SMARCA4: variants seen among roughly 807,000 people sequenced by gnomAD.
SMARCA4 encodes the protein SWI/SNF related BAF chromatin remodeling complex subunit ATPase 4, also known as SWI/SNF-related matrix-associated actin-dependent regulator of chromatin subfamily A member 4.
In SMARCA4, 31 loss-of-function variants were observed where a neutral mutation model predicts 193.9. That is an observed-to-expected ratio of 0.16 (90% CI 0.12 to 0.22). SMARCA4 has a LOEUF of 0.22. SMARCA4 is among the 10% of genes least tolerant of loss of function. The pLI is 1.00. For synonymous variants in SMARCA4, 942 were observed against 933.1 expected, an observed-to-expected ratio of 1.01 and a Z score of -0.17; for missense variants, 1,148 against 2,296.0, an observed-to-expected ratio of 0.50 and a Z score of 10.22.
chr19:10,976,257 G>T (rs2085115532), intron 1 of SMARCA4, among the ~76,000 whole-genome samples: 1 of 152,174 alleles, frequency 6.6e-6, no homozygotes, highest in Non-Finnish European at 1.5e-5. Flanking sequence ...CACCTTTCCT[G>T]GCCGTGCTCG....
In SMARCA4 at chr19:11,041,576, G is replaced by A. The variant is rs2146824512; in HGVS notation, c.4424+16G>A. 2 of 1,609,916 alleles carry A rather than the reference G, an allele frequency of 1.2e-6. No individual in the cohort carries two copies. Among genetic ancestry groups the A allele is most frequent in the Non-Finnish European group, 1.7e-6 (2 of 1,178,956 alleles). ...ACAAGGACAGGTAAGCGAGGAGGCGGGGAGGGCGGGGGCTGTAGGGGTCCC... is the reference window on the plus strand; with the variant it reads ...ACAAGGACAGGTAAGCGAGGAGGCGAGGAGGGCGGGGGCTGTAGGGGTCCC... On this transcript the variant is annotated intron_variant, in intron 30 of 34. Transcript: ENST00000344626. The surrounding 1 kb of genome is among the most constrained non-coding windows in gnomAD (Gnocchi z 5.6).
intron 30 of SMARCA4, among the ~76,000 whole-genome samples, chr19:11,053,217 C>T (rs2076356947): frequency 1.3e-5 from 2 of 152,116 alleles, no homozygotes; most frequent in Admixed American, 1.3e-4. Context: ...GGAACCTAGG[C>T]TCATGCCTAT....
At chr19:10,973,743 G>A (rs1349440833) in intron 1 of SMARCA4, among the ~76,000 whole-genome samples, 4 of 151,966 alleles carry the variant, frequency 2.6e-5, no homozygotes, top group Middle Eastern at 3.4e-3. Context: ...CTAATTTTTT[G>A]TATTTTTAGT....
intron 13 of SMARCA4, among the ~76,000 whole-genome samples, chr19:11,005,618 C>A (rs1269635508): frequency 3.3e-5 from 5 of 152,182 alleles, no homozygotes; most frequent in Admixed American, 3.3e-4. Context: ...CTGATCTCAC[C>A]TCCATTAGCA....
At chr19:11,055,249 G>A (rs982402867) in intron 30 of SMARCA4, among the ~76,000 whole-genome samples, 5 of 152,202 alleles carry the variant, frequency 3.3e-5, no homozygotes, top group African/African-American at 1.2e-4. Context: ...GAATGCAGTG[G>A]TGCGATCTCG....
In SMARCA4 at chr19:11,030,901, C is replaced by T. The variant is rs768145474; in HGVS notation, c.3546+8C>T. The T allele has an allele frequency of 1.4e-5, 23 of 1,608,344 alleles. 1 individual carries two copies. Among genetic ancestry groups the T allele is most frequent in the Middle Eastern group, 3.3e-4 (2 of 6,068 alleles). On this transcript the variant is annotated splice_region_variant and intron_variant, in intron 25 of 34. Transcript: ENST00000344626. This position sits in a 1 kb window ranked among gnomAD's most constrained non-coding sequence, Gnocchi z 5.5. Reference sequence around the variant, plus strand: ...GACTGGAATCCTCACCAGGTAAAAGCGGGCCGGGCCCCAGGTCGAGGAGAA... The same window carrying T: ...GACTGGAATCCTCACCAGGTAAAAGTGGGCCGGGCCCCAGGTCGAGGAGAA...
At position 11,034,276 on chromosome 19, in the gene SMARCA4, T is replaced by G. The variant is rs142819607; in HGVS notation, c.3951+76T>G. 4.3e-4 allele frequency: 491 copies of G among 1,151,550 alleles called. 2 individuals carry two copies. In the African/African-American group the frequency reaches 6.6e-3, roughly 15 times the overall value. 71.3% of individuals were successfully genotyped at this position (1,151,550 alleles called of 1,614,324 possible). A position where few individuals can be genotyped will look rare whatever the true frequency, so the allele number is the denominator to read the frequency against. On this transcript the variant is annotated intron_variant, in intron 28 of 34. Transcript: ENST00000344626. The surrounding 1 kb of genome is among the most constrained non-coding windows in gnomAD (Gnocchi z 7.0). ...ACCAGGAGCAAAGCAGACGTCCTAG[T>G]GCCCATGGTGGTATCCCTAGCAGGT... is the stretch of plus-strand genomic sequence containing the variant.
In SMARCA4 at chr19:10,977,000, T is replaced by A. The variant is rs925656672; in HGVS notation, c.-31-7121T>A. 5.3e-5 allele frequency among the ~76,000 whole-genome samples: 8 copies of A among 151,788 alleles called. No individual in the cohort carries two copies. The East Asian group carries it at 1.4e-3, about 26-fold the overall frequency. On this transcript the variant is annotated intron_variant, in intron 1 of 34. Coordinates refer to ENST00000344626, the MANE Select transcript of SMARCA4 (RefSeq NM_003072.5). ...TGAACCTAGGAGGCGGAGGTTGCAG[T>A]GAGCCAAGGTCGCACCACTGCGCTA...
intron 8 of SMARCA4, among the ~76,000 whole-genome samples, chr19:10,991,991 A>G (rs969251659): frequency 5.3e-5 from 8 of 152,124 alleles, no homozygotes; most frequent in Non-Finnish European, 8.8e-5. Flanking sequence ...AAATCAAGTA[A>G]GGATTTGGGG....
At chr19:10,977,120 T>G (rs145330454) in intron 1 of SMARCA4, among the ~76,000 whole-genome samples, 1 of 152,152 alleles carries the variant, frequency 6.6e-6, no homozygotes, top group Non-Finnish European at 1.5e-5. Context: ...TCTGTGTGCA[T>G]TGCTTGCCAG....
chr19:10,982,065 A>G (rs1392845701), intron 1 of SMARCA4, among the ~76,000 whole-genome samples: 6 of 151,826 alleles, frequency 4.0e-5, no homozygotes, highest in Non-Finnish European at 5.9e-5. Flanking sequence ...TTGGCCAGGA[A>G]CGGTGGCTCA....
chr19:10,980,740 A>G (rs947449415), intron 1 of SMARCA4: 5 of 152,240 alleles, frequency 3.3e-5, no homozygotes, highest in South Asian at 2.1e-4. Context: ...TTTGCCCTCA[A>G]TGACCTGGAT....
At chr19:11,026,215 T>C in intron 22 of SMARCA4, 85 bp from the exon 23 acceptor site, 1 of 1,089,428 alleles carries the variant, frequency 9.2e-7, no homozygotes, top group Non-Finnish European at 1.4e-6. Context: ...CTTTGTCCTC[T>C]GAGCACGAGC....
At chr19:11,009,021 T>C (rs1236491075) in intron 14 of SMARCA4, among the ~76,000 whole-genome samples, 1 of 113,770 alleles carries the variant, frequency 8.8e-6, no homozygotes, top group African/African-American at 3.6e-5. Flanking sequence ...TTTTTTTTTT[T>C]TTTTTTTTTT....
Position 11,058,580 on chromosome 19 carries a change from G to A in SMARCA4, c.4534-208G>A, listed in dbSNP as rs2076678773. Among the ~76,000 whole-genome samples, 1 of 152,138 alleles carries A rather than the reference G, an allele frequency of 6.6e-6. No homozygotes were observed. Among genetic ancestry groups the A allele is most frequent in the Non-Finnish European group, 1.5e-5 (1 of 68,026 alleles). ...GATGTCAGTGGGCAGTCGGTGTTGG[G>A]TGTTCCTTCAAGGTCCCACTCACTT... On this transcript the variant is annotated intron_variant, in intron 31 of 34. Transcript: ENST00000344626. This position sits in a 1 kb window ranked among gnomAD's most constrained non-coding sequence, Gnocchi z 5.8.
Position 11,033,962 on chromosome 19 carries a change from G to A in SMARCA4, c.3873+97G>A. 12 of 746,010 alleles carry A rather than the reference G, an allele frequency of 1.6e-5. No individual in the cohort carries two copies. The highest frequency in any genetic ancestry group is 5.5e-5 in the South Asian group (4 of 72,438). The allele number at this position is 746,010 out of a possible 1,614,324, so 46.2% of individuals were successfully genotyped here. On this transcript the variant is annotated intron_variant, in intron 27 of 34. Transcript: ENST00000344626. This position sits in a 1 kb window ranked among gnomAD's most constrained non-coding sequence, Gnocchi z 9.8. ...CTGGTCCCACGGAGCGTGCGTGTGC[G>A]TGTGCGTGTGTGTGCCTTTCGCTGC... is the stretch of plus-strand genomic sequence containing the variant.
Position 11,030,725 on chromosome 19 carries a change from G to A in SMARCA4, c.3383-5G>A, listed in dbSNP as rs762528243. On this transcript the variant is annotated splice_polypyrimidine_tract_variant and splice_region_variant and intron_variant, in intron 24 of 34. Transcript: ENST00000344626. This position sits in a 1 kb window ranked among gnomAD's most constrained non-coding sequence, Gnocchi z 5.5. ...GCTGACCCTGTTCTCCTCTGTGCCC[G>A]TCAGGAACCACGAAGGCGGAGGACC... 1.3e-4 allele frequency: 210 copies of A among 1,610,540 alleles called. 2 individuals are homozygous for A. In the South Asian group the frequency reaches 1.3e-3, roughly 10 times the overall value.
At position 11,021,784 on chromosome 19, in the gene SMARCA4, G is replaced by C. The variant is rs2146417106; in HGVS notation, c.2676G>C (p.Lys892Asn). Residue 892 changes from lysine (K) to asparagine (N), a missense_variant, in exon 19 of 35, where the codon AAG (lysine) becomes AAC (asparagine). Lys to Asn is a moderately conservative substitution (Grantham distance 94, BLOSUM62 0). Transcript: ENST00000344626. Reference sequence around the variant, plus strand: ...ACCGCATGAAGAACCACCACTGCAAGCTGACGCAGGTGCTCAACACGCACT... The same window carrying C: ...ACCGCATGAAGAACCACCACTGCAACCTGACGCAGGTGCTCAACACGCACT... ...EGHRMKNHHC[K>N]LTQVLNTHYV... The C allele has an allele frequency of 6.2e-7, 1 of 1,613,770 alleles. No individual in the cohort carries two copies. Among genetic ancestry groups the C allele is most frequent in the Non-Finnish European group, 8.5e-7 (1 of 1,180,008 alleles).
chr19:11,055,966 G>C (rs1025582645), intron 30 of SMARCA4, among the ~76,000 whole-genome samples: 3 of 151,972 alleles, frequency 2.0e-5, no homozygotes, highest in African/African-American at 7.3e-5. Flanking sequence ...GGGTTCTTCT[G>C]TTGCCCCTGC....
Sources: allele counts gnomAD v4.1 joint callset (sites outside exome capture counted in the v4.1 genomes callset), GRCh38; gene constraint gnomAD v4.1.1; non-coding constraint Gnocchi (gnomAD v3.1); transcripts MANE v1.5; gene names NCBI Gene and HGNC (gene_info 2026-07-23, HGNC 2026-07-21).